PCDH15: variants seen among roughly 807,000 people sequenced by gnomAD.
PCDH15 encodes protocadherin related 15.
PCDH15 carries 129 observed loss-of-function variants against 178.5 expected under a neutral mutation model. That is an observed-to-expected ratio of 0.72 (90% CI 0.63 to 0.84). PCDH15 has a LOEUF of 0.84. Among genes scored for constraint, PCDH15 ranks in the 40% least tolerant of loss-of-function variants. PCDH15 has a pLI of 0.00. For missense variants in PCDH15, 2,230 were observed against 2,099.9 expected, an observed-to-expected ratio of 1.06 and a Z score of -1.21; for synonymous variants, 800 against 732.0, an observed-to-expected ratio of 1.09 and a Z score of -1.50.
intron 2 of PCDH15, among the ~76,000 whole-genome samples, chr10:55,132,318 A>G (rs143812687): frequency 4.6e-5 from 7 of 152,220 alleles, no homozygotes; most frequent in African/African-American, 9.6e-5. Context: ...AAAATTGGGG[A>G]AAAAGAGCGT....
intron 2 of PCDH15, among the ~76,000 whole-genome samples, chr10:55,330,993 A>G (rs1484458342): frequency 6.6e-6 from 1 of 151,816 alleles, no homozygotes; most frequent in Non-Finnish European, 1.5e-5. Flanking sequence ...CTCCTATCCA[A>G]TATTATTTAG....
At chr10:54,707,222 T>A (rs1449322199) in intron 1 of PCDH15, among the ~76,000 whole-genome samples, 3 of 152,102 alleles carry the variant, frequency 2.0e-5, no homozygotes, top group Non-Finnish European at 4.4e-5. Context: ...AGAAATTAAG[T>A]AAGACTCAAC....
intron 2 of PCDH15, among the ~76,000 whole-genome samples, chr10:55,540,551 G>A (rs565875433): frequency 1.3e-4 from 20 of 152,124 alleles, no homozygotes; most frequent in African/African-American, 4.8e-4. Flanking sequence ...TCAGGAGGCT[G>A]GGGACAGAAT....
chr10:55,483,507 G>A (rs1047288135), intron 2 of PCDH15, among the ~76,000 whole-genome samples: 5 of 151,696 alleles, frequency 3.3e-5, no homozygotes, highest in Non-Finnish European at 7.4e-5. Context: ...AATACACAAG[G>A]AATACACTTA....
chr10:55,011,196 A>G (rs1411498196), intron 2 of PCDH15, among the ~76,000 whole-genome samples: 1 of 152,122 alleles, frequency 6.6e-6, no homozygotes, highest in Non-Finnish European at 1.5e-5. Flanking sequence ...ATAACTACAC[A>G]TACTGAAAAA....
chr10:55,190,685 T>C (rs552945122), intron 1 of PCDH15, among the ~76,000 whole-genome samples: 19 of 151,830 alleles, frequency 1.3e-4, no homozygotes, highest in Admixed American at 3.9e-4. Context: ...AATAAAATAT[T>C]ACACAATTTA....
intron 1 of PCDH15, among the ~76,000 whole-genome samples, chr10:55,290,991 T>G (rs1261243048): frequency 1.3e-5 from 2 of 152,144 alleles, no homozygotes; most frequent in Non-Finnish European, 2.9e-5. Flanking sequence ...TAGCCAAATG[T>G]GTAAGTAGTG....
At chr10:54,054,422 G>A (rs575947410) in intron 18 of PCDH15, among the ~76,000 whole-genome samples, 65 of 152,188 alleles carry the variant, frequency 4.3e-4, no homozygotes, top group African/African-American at 1.4e-3. Context: ...AAGAGAGACA[G>A]AGAGAGATCC....
chr10:55,017,564 A>G (rs1840213314), intron 2 of PCDH15, among the ~76,000 whole-genome samples: 1 of 152,142 alleles, frequency 6.6e-6, no homozygotes, highest in South Asian at 2.1e-4. Flanking sequence ...GTAATATGTG[A>G]ATGCTTAAAT....
At chr10:55,420,646 T>A (rs1033660349) in intron 2 of PCDH15, among the ~76,000 whole-genome samples, 1 of 151,734 alleles carries the variant, frequency 6.6e-6, no homozygotes, top group Non-Finnish European at 1.5e-5. Context: ...GTCCACCGAT[T>A]AACATAAAAA....
chr10:55,334,242 A>ATATGTGTG lies in PCDH15; in HGVS notation c.-155-167592_-155-167591insCACACATA, dbSNP rs1291195941. 5.0e-3 allele frequency among the ~76,000 whole-genome samples: 357 copies of ATATGTGTG among 72,120 alleles called. 6 individuals carry two copies. The highest frequency in any genetic ancestry group is 0.019 in the Middle Eastern group (2 of 104). 47.3% of individuals were successfully genotyped at this position (72,120 alleles called of 152,430 possible). Reference sequence around the variant, plus strand: ...GCTCCATATATATATATATATATATATGTGTGTGTGTGTGTGTGTGTGTGT... The same window carrying ATATGTGTG: ...GCTCCATATATATATATATATATATATATGTGTGTGTGTGTGTGTGTGTGTGTGTGTGT... On this transcript the variant is annotated intron_variant, in intron 2 of 5. Coordinates refer to the PCDH15 transcript ENST00000613346.
chr10:54,183,741 G>A (rs1418707231), intron 12 of PCDH15, 148 bp from the exon 13 acceptor site: 4 of 838,190 alleles, frequency 4.8e-6, no homozygotes, highest in Non-Finnish European at 5.8e-6. Context: ...GGACGTAATA[G>A]AGACGTAATA....
chr10:55,038,168 T>C (rs1425350861), intron 2 of PCDH15, among the ~76,000 whole-genome samples: 1 of 152,202 alleles, frequency 6.6e-6, no homozygotes, highest in Non-Finnish European at 1.5e-5. Context: ...TATTTATCTA[T>C]ATACATATTC....
intron 2 of PCDH15, among the ~76,000 whole-genome samples, chr10:54,926,460 G>A (rs910201406): frequency 6.6e-6 from 1 of 151,936 alleles, no homozygotes; most frequent in Non-Finnish European, 1.5e-5. Flanking sequence ...GATGATGTGG[G>A]CTTCATTGGA....
intron 2 of PCDH15, among the ~76,000 whole-genome samples, chr10:55,017,462 G>T (rs781580449): frequency 6.6e-6 from 1 of 152,072 alleles, no homozygotes; most frequent in Non-Finnish European, 1.5e-5. Context: ...CTTAAGTTCA[G>T]TATCTCCAGA....
intron 1 of PCDH15, among the ~76,000 whole-genome samples, chr10:54,761,143 G>A (rs1332378215): frequency 2.6e-5 from 4 of 151,882 alleles, no homozygotes; most frequent in Non-Finnish European, 4.4e-5. Context: ...TAATAATGTT[G>A]GTAAATATGA....
intron 2 of PCDH15, among the ~76,000 whole-genome samples, chr10:55,047,106 C>T (rs1352289872): frequency 6.6e-6 from 1 of 151,712 alleles, no homozygotes; most frequent in Admixed American, 6.6e-5. Context: ...CATGAAGGAA[C>T]AAAATGTTAT....
At chr10:55,019,496 CT>C (rs1316068604) in intron 2 of PCDH15, among the ~76,000 whole-genome samples, 1 of 151,844 alleles carries the variant, frequency 6.6e-6, no homozygotes, top group African/African-American at 2.4e-5. Context: ...TAGCAAACAA[CT>C]GAAAACAACT....
intron 25 of PCDH15, among the ~76,000 whole-genome samples, chr10:53,934,438 C>G (rs1258292403): frequency 6.6e-6 from 1 of 151,950 alleles, no homozygotes; most frequent in African/African-American, 2.4e-5. Context: ...CCCACATGCA[C>G]AGAAGGCTAA....
Sources: gnomAD v4.1 joint callset for allele counts (sites outside exome capture counted in the v4.1 genomes callset) on GRCh38, gnomAD v4.1.1 for gene constraint, MANE v1.5 for transcripts, NCBI Gene and HGNC (gene_info 2026-07-23, HGNC 2026-07-21) for gene names.